The following PSIP1 variants were observed in gnomAD, a reference collection of about 807,000 sequenced individuals.
PSIP1 encodes the protein PC4 and SFRS1-interacting protein.
In PSIP1, 19 loss-of-function variants were observed where a neutral mutation model predicts 74.7. The ratio of observed to expected loss-of-function variants is 0.25; its 90% CI spans 0.18 to 0.37. The LOEUF (loss-of-function observed/expected upper bound fraction) is 0.37. Ranked by LOEUF, PSIP1 falls within the 10% of genes least tolerant of loss-of-function variation. PSIP1 has a pLI of 1.00. For missense variants in PSIP1, 601 were observed against 614.3 expected, an observed-to-expected ratio of 0.98 and a Z score of 0.23; for synonymous variants, 222 against 195.3, an observed-to-expected ratio of 1.14 and a Z score of -1.14.
In PSIP1 at chr9:15,474,001, CTT is replaced by C. The variant is rs763909605; in HGVS notation, c.858+6_858+7del. ...AGAACAGCCATTTTATATATGTAAA[CTT>C]TATACCTTTTCACCTTCTTGATCAT... On this transcript the variant is annotated splice_donor_region_variant and intron_variant, in intron 9 of 15. Coordinates refer to ENST00000380733, the MANE Select transcript of PSIP1 (RefSeq NM_033222.5). 1 of 1,595,282 alleles carries C rather than the reference CTT, an allele frequency of 6.3e-7. No individual in the cohort carries two copies. Among genetic ancestry groups the C allele is most frequent in the Admixed American group, 1.7e-5 (1 of 58,874 alleles).
intron 2 of PSIP1, 73 bp downstream of exon 2, chr9:15,510,044 A>C: frequency 7.1e-7 from 1 of 1,416,218 alleles, no homozygotes; most frequent in Non-Finnish European, 9.7e-7. Context: ...GAAAAAATAA[A>C]GAGACACGGT....
Position 15,468,795 on chromosome 9 carries a change from A to G in PSIP1, c.1255T>C (p.Leu419=). ...AACATGTTCTTAAACTTGTTATACA[A>G]CATTGTAGACTTTTCCATGATTACC... ...SQVIMEKSTM[L]YNKFKNMFLV... The change falls in exon 14 of 16, where the codon TTG becomes CTG. Residue 419 remains leucine (L), a synonymous_variant. Coordinates refer to ENST00000380733, the MANE Select transcript of PSIP1 (RefSeq NM_033222.5). 6.2e-7 allele frequency: 1 copy of G among 1,614,032 alleles called. No homozygotes were observed. Among genetic ancestry groups the G allele is most frequent in the Non-Finnish European group, 8.5e-7 (1 of 1,179,942 alleles).
At position 15,475,123 on chromosome 9, in the gene PSIP1, C is replaced by T. The variant is rs565933096; in HGVS notation, c.630-886G>A. Among the ~76,000 whole-genome samples, 10 of 152,262 alleles carry T rather than the reference C, an allele frequency of 6.6e-5. No individual in the cohort carries two copies. The South Asian group carries it at 2.1e-3, about 32-fold the overall frequency. On this transcript the variant is annotated intron_variant, in intron 8 of 15. Coordinates refer to ENST00000380733, the MANE Select transcript of PSIP1 (RefSeq NM_033222.5). Reference sequence around the variant, plus strand: ...AAGTGATTCCCTGACCACTTAAGAACTATTAAGTTGGAAGAGAAGAAATTT... The same window carrying T: ...AAGTGATTCCCTGACCACTTAAGAATTATTAAGTTGGAAGAGAAGAAATTT...
intron 3 of PSIP1, among the ~76,000 whole-genome samples, chr9:15,496,082 T>G (rs1185307051): frequency 2.0e-5 from 3 of 152,250 alleles, no homozygotes; most frequent in Non-Finnish European, 2.9e-5. Flanking sequence ...AACCAATGCA[T>G]GGTGACCAAT....
intron 10 of PSIP1, among the ~76,000 whole-genome samples, chr9:15,470,436 TA>T (rs1165802939): frequency 6.6e-6 from 1 of 152,118 alleles, no homozygotes; most frequent in Non-Finnish European, 1.5e-5. Flanking sequence ...ACACTGTTTT[TA>T]AAATTTTGGC....
chr9:15,474,283 T>C (rs773295186), intron 8 of PSIP1, 46 bp from the exon 9 acceptor site: 2 of 1,453,970 alleles, frequency 1.4e-6, no homozygotes, highest in Admixed American at 2.2e-5. Context: ...TCAACTATAA[T>C]AGTATTTTAG....
chr9:15,472,157 C>G (rs1430090650), intron 10 of PSIP1: 1 of 985,256 alleles, frequency 1.0e-6, no homozygotes, highest in Non-Finnish European at 1.2e-6. Flanking sequence ...AATGTACACC[C>G]TGTCAGCCTT....
intron 3 of PSIP1, among the ~76,000 whole-genome samples, chr9:15,503,169 C>T (rs1054927022): frequency 1.3e-5 from 2 of 152,020 alleles, no homozygotes; most frequent in Non-Finnish European, 2.9e-5. Context: ...GAGTTTGAGA[C>T]CAGCCTGGCC....
intron 2 of PSIP1, among the ~76,000 whole-genome samples, chr9:15,509,567 G>A (rs1010167580): frequency 2.6e-5 from 4 of 152,138 alleles, no homozygotes; most frequent in African/African-American, 9.7e-5. Context: ...GCCCTTCCTC[G>A]GTACTAAACT....
intron 10 of PSIP1, chr9:15,470,771 A>C: frequency 3.1e-6 from 3 of 983,254 alleles, no homozygotes; most frequent in Non-Finnish European, 3.7e-6. Flanking sequence ...AAGGAATGTC[A>C]AGAGAAGGGC....
chr9:15,474,446 G>A (rs1052600004), intron 8 of PSIP1, among the ~76,000 whole-genome samples: 1 of 152,080 alleles, frequency 6.6e-6, no homozygotes, highest in African/African-American at 2.4e-5. Context: ...TGGCTCTTAT[G>A]GAACTTAAAT....
intron 4 of PSIP1, among the ~76,000 whole-genome samples, chr9:15,488,987 C>A (rs1045543723): frequency 6.6e-6 from 1 of 152,068 alleles, no homozygotes; most frequent in Non-Finnish European, 1.5e-5. Context: ...AGCCAATGCA[C>A]CCCAGCCTGG....
At chr9:15,493,313 G>A (rs575507493) in intron 3 of PSIP1, among the ~76,000 whole-genome samples, 17 of 152,240 alleles carry the variant, frequency 1.1e-4, no homozygotes, top group South Asian at 8.3e-4. Flanking sequence ...TTCCCAACAC[G>A]CTCCTCATCT....
chr9:15,493,977 A>G (rs2036956160), intron 3 of PSIP1, among the ~76,000 whole-genome samples: 1 of 152,188 alleles, frequency 6.6e-6, no homozygotes, highest in South Asian at 2.1e-4. Flanking sequence ...TCCTCCCCAC[A>G]TCAGTGAGTC....
chr9:15,483,861 C>T (rs1262847325), intron 6 of PSIP1, among the ~76,000 whole-genome samples: 1 of 152,106 alleles, frequency 6.6e-6, no homozygotes, highest in Non-Finnish European at 1.5e-5. Context: ...GGTATGGTGG[C>T]GGATGCCTGT....
At chr9:15,474,852 T>C (rs1301660204) in intron 8 of PSIP1, among the ~76,000 whole-genome samples, 1 of 152,212 alleles carries the variant, frequency 6.6e-6, no homozygotes, top group Non-Finnish European at 1.5e-5. Context: ...AGCAATTCTT[T>C]TACAAATAAA....
At chr9:15,466,256 G>C (rs945841814) in intron 15 of PSIP1, among the ~76,000 whole-genome samples, 5 of 152,158 alleles carry the variant, frequency 3.3e-5, no homozygotes, top group African/African-American at 1.2e-4. Flanking sequence ...GCAGGTGCCT[G>C]TAATCCCAGC....
chr9:15,488,877 C>T (rs1964792), intron 4 of PSIP1, among the ~76,000 whole-genome samples: 106,763 of 151,152 alleles, frequency 0.71, 40,221 homozygotes, highest in Non-Finnish European at 0.83. Context: ...AAAAATTAGC[C>T]GGGTGTGGTG....
rs1339754612 is a variant in PSIP1, at chr9:15,486,875, A to G, written c.345T>C (p.Thr115=). The change falls in exon 5 of 16, where the codon ACT becomes ACC. Residue 115 remains threonine, a synonymous_variant. Coordinates refer to ENST00000380733, the MANE Select transcript of PSIP1 (RefSeq NM_033222.5). ...GGTCGGTATCTTCCTTTGAAACACTAGTTTCCTTTTCTTCAACTTCAACAT... is the reference window on the plus strand; with the variant it reads ...GGTCGGTATCTTCCTTTGAAACACTGGTTTCCTTTTCTTCAACTTCAACAT... ...SSDVEVEEKE[T]SVSKEDTDHE... 1 of 1,612,530 alleles carries G rather than the reference A, an allele frequency of 6.2e-7. No homozygotes were observed. The highest frequency in any genetic ancestry group is 1.1e-5 in the South Asian group (1 of 90,836).
Sources: allele counts gnomAD v4.1 joint callset (sites outside exome capture counted in the v4.1 genomes callset), GRCh38; gene constraint gnomAD v4.1.1; transcripts MANE v1.5; gene names NCBI Gene and HGNC (gene_info 2026-07-23, HGNC 2026-07-21).